Variants in RALGAPB observed in about 807,000 individuals in gnomAD.
RALGAPB encodes the protein Ral GTPase activating protein non-catalytic subunit beta, also known as ral GTPase-activating protein subunit beta.
A neutral mutation model predicts 161.1 loss-of-function variants in RALGAPB; 25 were observed. The observed-to-expected ratio is 0.16, with a 90% confidence interval of 0.11 to 0.22. The LOEUF (loss-of-function observed/expected upper bound fraction) is 0.22. RALGAPB is among the 10% of genes least tolerant of loss of function. The pLI, the probability that RALGAPB is intolerant of heterozygous loss-of-function variation, is 1.00. For missense variants in RALGAPB, 1,391 were observed against 1,815.2 expected (o/e 0.77, Z 4.25); for synonymous variants, 629 against 626.1 (o/e 1.00, Z -0.07).
At chr20:38,527,647 A>G (rs919334551) in intron 13 of RALGAPB, among the ~76,000 whole-genome samples, 5 of 152,244 alleles carry the variant, frequency 3.3e-5, no homozygotes, top group African/African-American at 1.2e-4. Context: ...TATCTCAGAT[A>G]CATTCTGAAC....
chr20:38,574,894 G>C lies in RALGAPB; in HGVS notation c.4412G>C (p.Arg1471Pro). 6.2e-7 allele frequency: 1 copy of C among 1,614,012 alleles called. No homozygotes were observed. Among genetic ancestry groups the C allele is most frequent in the South Asian group, 1.1e-5 (1 of 91,086 alleles). The change falls in exon 30 of 30, where the codon CGG (arginine) becomes CCG (proline). Residue 1471 changes from arginine (R) to proline (P), a missense_variant. This residue lies in a region of RALGAPB where 436 missense variants were observed against 527.0 expected (regional missense o/e 0.83). Transcript: ENST00000262879. ...QKITDIVNKY[R>P]NKQLEPEFYT... is the part of the protein sequence containing the mutation. ...ATCACCGACATTGTCAACAAGTACC[G>C]GAACAAGCAGCTGGAGCCAGAGTTT... is the stretch of plus-strand genomic sequence containing the variant.
At chr20:38,523,119 A>C (rs1433824125) in intron 10 of RALGAPB, among the ~76,000 whole-genome samples, 1 of 151,354 alleles carries the variant, frequency 6.6e-6, no homozygotes, top group African/African-American at 2.4e-5. Context: ...GTGCCACTGC[A>C]CTCCAGCCTG....
chr20:38,510,605 A>G (rs1244434165), intron 6 of RALGAPB, among the ~76,000 whole-genome samples: 1 of 152,194 alleles, frequency 6.6e-6, no homozygotes, highest in African/African-American at 2.4e-5. Flanking sequence ...TGCTTTAGCA[A>G]ATGAACTTGA....
At chr20:38,571,067 G>T (rs1382228896) in intron 28 of RALGAPB, among the ~76,000 whole-genome samples, 2 of 152,146 alleles carry the variant, frequency 1.3e-5, no homozygotes, top group Non-Finnish European at 2.9e-5. Flanking sequence ...TGATTGACTT[G>T]TTAAAAGCTA....
intron 13 of RALGAPB, among the ~76,000 whole-genome samples, chr20:38,529,096 C>T (rs983245850): frequency 2.2e-4 from 33 of 152,072 alleles, no homozygotes; most frequent in Non-Finnish European, 4.7e-4. Context: ...AGTTGAGATC[C>T]ACATATAACT....
At chr20:38,554,175 A>C in intron 22 of RALGAPB, 99 bp downstream of exon 22, 1 of 1,112,886 alleles carries the variant, frequency 9.0e-7, no homozygotes, top group Non-Finnish European at 1.3e-6. Flanking sequence ...GAATTAAAAA[A>C]AAAAAAAACT....
At chr20:38,512,782 T>G (rs6064643) in intron 6 of RALGAPB, among the ~76,000 whole-genome samples, 1 of 152,056 alleles carries the variant, frequency 6.6e-6, no homozygotes, top group Non-Finnish European at 1.5e-5. Flanking sequence ...TTTTTTGAGA[T>G]GGAGTCTCGC....
chr20:38,483,877 G>A (rs2085044613), intron 1 of RALGAPB, among the ~76,000 whole-genome samples: 1 of 152,168 alleles, frequency 6.6e-6, no homozygotes, highest in Admixed American at 6.5e-5. Context: ...ACAGCAAGAG[G>A]AGGTTCTTAT....
At chr20:38,531,378 A>T (rs2086645560) in intron 14 of RALGAPB, 147 bp downstream of exon 14, 1 of 684,802 alleles carries the variant, frequency 1.5e-6, no homozygotes, top group Non-Finnish European at 2.4e-6. Flanking sequence ...TTTAAAAATA[A>T]TGTATATTTT....
chr20:38,477,285 A>G (rs1356516177), intron 1 of RALGAPB, among the ~76,000 whole-genome samples: 3 of 152,234 alleles, frequency 2.0e-5, no homozygotes, highest in Non-Finnish European at 4.4e-5. Flanking sequence ...TAGCTGCTGT[A>G]TTGGACAGAG....
chr20:38,475,962 T>C (rs2084791798), intron 1 of RALGAPB, among the ~76,000 whole-genome samples: 1 of 152,166 alleles, frequency 6.6e-6, no homozygotes, highest in African/African-American at 2.4e-5. Flanking sequence ...ATTTTCTTGG[T>C]TCCGTTTTGT....
intron 23 of RALGAPB, among the ~76,000 whole-genome samples, chr20:38,561,650 C>T (rs2087790071): frequency 6.6e-6 from 1 of 152,222 alleles, no homozygotes; most frequent in Non-Finnish European, 1.5e-5. Context: ...TCTCTACCCT[C>T]CCCCTTTTAT....
At position 38,576,725 on chromosome 20, in the gene RALGAPB, T is replaced by A. The variant is rs1465445169; in HGVS notation, c.*1758T>A. ...GTTCTAGTAGTTCACAGGAAGAAGA[T>A]GAGGTTTAATAACTTTCAAGGTAAT... is the stretch of plus-strand genomic sequence containing the variant. On this transcript the variant is annotated 3_prime_UTR_variant, in exon 30 of 30. Coordinates refer to ENST00000262879, the MANE Select transcript of RALGAPB (RefSeq NM_020336.4). 6.6e-6 allele frequency: 1 copy of A among 152,598 alleles called. No individual in the cohort carries two copies. Among genetic ancestry groups the A allele is most frequent in the Non-Finnish European group, 1.5e-5 (1 of 68,030 alleles). The allele number at this position is 152,598 out of a possible 1,614,324, so 9.5% of individuals were successfully genotyped here.
At chr20:38,564,025 T>C (rs1231993918) in intron 24 of RALGAPB, among the ~76,000 whole-genome samples, 1 of 152,158 alleles carries the variant, frequency 6.6e-6, no homozygotes, top group Non-Finnish European at 1.5e-5. Flanking sequence ...CCTGTCCTTA[T>C]GGCAAGAAAG....
chr20:38,553,311 C>G (rs2087441288), intron 21 of RALGAPB, among the ~76,000 whole-genome samples: 1 of 152,144 alleles, frequency 6.6e-6, no homozygotes. Flanking sequence ...TGGGAGAAGT[C>G]TCTAAGAGTA....
intron 22 of RALGAPB, among the ~76,000 whole-genome samples, chr20:38,557,155 G>T (rs575011091): frequency 1.5e-4 from 23 of 152,228 alleles, no homozygotes; most frequent in African/African-American, 5.1e-4. Flanking sequence ...AAGAAGATAG[G>T]GGATTAAGAG....
intron 4 of RALGAPB, 67 bp from the exon 5 acceptor site, chr20:38,499,380 T>A: frequency 7.4e-7 from 1 of 1,354,658 alleles, no homozygotes; most frequent in Non-Finnish European, 1.0e-6. Context: ...TTCTCCCAAA[T>A]CAGTGTCTTA....
intron 6 of RALGAPB, among the ~76,000 whole-genome samples, chr20:38,511,961 C>T (rs562043549): frequency 6.6e-6 from 1 of 152,170 alleles, no homozygotes; most frequent in East Asian, 1.9e-4. Flanking sequence ...CGGGGGCTGC[C>T]CCCCACCTCC....
intron 7 of RALGAPB, among the ~76,000 whole-genome samples, 187 bp from the exon 8 acceptor site, chr20:38,517,319 C>T (rs143401640): frequency 9.1e-4 from 138 of 152,130 alleles, no homozygotes; most frequent in African/African-American, 3.2e-3. Context: ...TTCTGGGTAG[C>T]CATGTCCATC....
Sources: gnomAD v4.1 joint callset for allele counts (sites outside exome capture counted in the v4.1 genomes callset) on GRCh38, gnomAD v4.1.1 for gene constraint, gnomAD v4.1.1 regional missense constraint, MANE v1.5 for transcripts, NCBI Gene and HGNC (gene_info 2026-07-23, HGNC 2026-07-21) for gene names.